The following DCLK1 variants were observed in gnomAD, a reference collection of about 807,000 sequenced individuals.
DCLK1 encodes the protein doublecortin like kinase 1, also known as serine/threonine-protein kinase DCLK1.
Under a neutral mutation model 86.2 loss-of-function variants are expected in DCLK1, and 16 were observed. That is an observed-to-expected ratio of 0.19 (90% CI 0.13 to 0.28). The LOEUF (loss-of-function observed/expected upper bound fraction) is 0.28. Ranked by LOEUF, DCLK1 falls within the 10% of genes least tolerant of loss-of-function variation. The pLI is 1.00. For synonymous variants in DCLK1, 369 were observed against 370.5 expected, an observed-to-expected ratio of 1.00 and a Z score of 0.05; for missense variants, 590 against 940.2, an observed-to-expected ratio of 0.63 and a Z score of 4.87.
At position 36,063,472 on chromosome 13, in the gene DCLK1, A is replaced by C. The variant is rs954040254; in HGVS notation, c.723+48397T>G. ...ATATATAAGAGAAAAAAATATGCACAGTTACTCTGCTTCTCAGTAACTTCA... is the reference window on the plus strand; with the variant it reads ...ATATATAAGAGAAAAAAATATGCACCGTTACTCTGCTTCTCAGTAACTTCA... On this transcript the variant is annotated intron_variant, in intron 3 of 16. Transcript: ENST00000360631. Among the ~76,000 whole-genome samples, 3 of 152,176 alleles carry C rather than the reference A, an allele frequency of 2.0e-5. 1 individual carries two copies. Among genetic ancestry groups the C allele is most frequent in the Non-Finnish European group, 4.4e-5 (3 of 68,022 alleles).
At chr13:36,120,685 A>C (rs148666134) in intron 2 of DCLK1, among the ~76,000 whole-genome samples, 2,374 of 152,086 alleles carry the variant, frequency 0.016, 21 homozygotes, top group Non-Finnish European at 0.026. Flanking sequence ...AAAAACCCTA[A>C]CCTGATAGGA....
chr13:35,914,321 GAA>G lies in DCLK1; in HGVS notation c.823+33035_823+33036del, dbSNP rs142212565. ...GCAACAGAGGGGAGACCTTATCTCA[GAA>G]AAAAAAAAAATATATATATATATAT... On this transcript the variant is annotated intron_variant, in intron 4 of 16. Transcript: ENST00000360631. Among the ~76,000 whole-genome samples the G allele has an allele frequency of 4.1e-3, 238 of 57,692 alleles. 2 individuals are homozygous for G. The highest frequency in any genetic ancestry group is 0.016 in the African/African-American group (201 of 12,944). The allele number at this position is 57,692 out of a possible 152,430, so 37.8% of individuals were successfully genotyped here. A position where few individuals can be genotyped will look rare whatever the true frequency, so the allele number is the denominator to read the frequency against.
At chr13:36,125,391 A>G (rs150252154) in intron 2 of DCLK1, among the ~76,000 whole-genome samples, 1 of 152,328 alleles carries the variant, frequency 6.6e-6, no homozygotes, top group African/African-American at 2.4e-5. Flanking sequence ...GTCATTTTCA[A>G]TTCAAGTACT....
chr13:36,053,625 C>T (rs942253686), intron 3 of DCLK1, among the ~76,000 whole-genome samples: 4 of 137,892 alleles, frequency 2.9e-5, no homozygotes, highest in South Asian at 2.3e-4. Context: ...TATAGTATCA[C>T]GATATATATA....
At chr13:35,810,576 G>A (rs2087121635) in intron 12 of DCLK1, among the ~76,000 whole-genome samples, 1 of 152,116 alleles carries the variant, frequency 6.6e-6, no homozygotes. Flanking sequence ...TTTACTCTGG[G>A]GTTAATAACT....
intron 5 of DCLK1, among the ~76,000 whole-genome samples, chr13:35,861,380 A>G (rs1196099413): frequency 2.0e-5 from 3 of 152,188 alleles, no homozygotes; most frequent in African/African-American, 7.2e-5. Context: ...GACCACAAGC[A>G]CCAAGGGTCA....
intron 6 of DCLK1, chr13:35,849,010 T>G (rs1870412610): frequency 2.0e-6 from 2 of 985,374 alleles, no homozygotes; most frequent in Non-Finnish European, 2.4e-6. Context: ...TATTATGAAC[T>G]GTTCTTTCAA....
In DCLK1 at chr13:36,056,579, C is replaced by T. The variant is rs1434503004; in HGVS notation, c.723+55290G>A. On this transcript the variant is annotated intron_variant, in intron 3 of 16. Coordinates refer to ENST00000360631, the MANE Select transcript of DCLK1 (RefSeq NM_001330071.2). Reference sequence around the variant, plus strand: ...CATGTATACATATGTAACTAACCTGCACAATGTGCACATGTACCCTAAAAC... The same window carrying T: ...CATGTATACATATGTAACTAACCTGTACAATGTGCACATGTACCCTAAAAC... 3.2e-5 allele frequency among the ~76,000 whole-genome samples: 4 copies of T among 123,138 alleles called. No homozygotes were observed. The East Asian group carries it at 9.1e-4, about 28-fold the overall frequency. 80.8% of individuals were successfully genotyped at this position (123,138 alleles called of 152,430 possible).
At chr13:35,863,827 C>A (rs1871578630) in intron 5 of DCLK1, among the ~76,000 whole-genome samples, 1 of 152,146 alleles carries the variant, frequency 6.6e-6, no homozygotes, top group Non-Finnish European at 1.5e-5. Context: ...CTCTTCACTT[C>A]CTCAGCTTTG....
intron 3 of DCLK1, among the ~76,000 whole-genome samples, chr13:35,977,292 T>C (rs1879397857): frequency 6.6e-6 from 1 of 152,144 alleles, no homozygotes; most frequent in Non-Finnish European, 1.5e-5. Context: ...GGGCAAGTTT[T>C]CCCCCTGAGC....
chr13:35,947,338 T>C lies in DCLK1; in HGVS notation c.823+20A>G, dbSNP rs746369658. ...AGCTGCCTCAAATTTCCCCTGGTTT[T>C]GAACTTTTTTTTTCCTTACCACTTT... On this transcript the variant is annotated intron_variant, in intron 4 of 16. Coordinates refer to ENST00000360631, the MANE Select transcript of DCLK1 (RefSeq NM_001330071.2). 3.1e-6 allele frequency: 5 copies of C among 1,609,578 alleles called. No individual in the cohort carries two copies. The highest frequency in any genetic ancestry group is 1.7e-4 in the Middle Eastern group (1 of 6,044).
chr13:35,959,096 C>T (rs910453424), intron 3 of DCLK1, among the ~76,000 whole-genome samples: 7 of 152,162 alleles, frequency 4.6e-5, no homozygotes, highest in Non-Finnish European at 8.8e-5. Context: ...CGAATACAAA[C>T]TTGATTCTTA....
chr13:35,855,778 T>A, intron 5 of DCLK1: 2 of 1,278,822 alleles, frequency 1.6e-6, no homozygotes, highest in Non-Finnish European at 2.0e-6. Context: ...TTAAGCCTCT[T>A]GCCAACAGCA....
chr13:35,824,487 TC>T (rs1333010691), intron 10 of DCLK1, among the ~76,000 whole-genome samples: 1 of 152,102 alleles, frequency 6.6e-6, no homozygotes, highest in Non-Finnish European at 1.5e-5. Flanking sequence ...GCTCCTTTCT[TC>T]TTTGTCCTCA....
chr13:36,003,021 C>A (rs1005362931), intron 3 of DCLK1, among the ~76,000 whole-genome samples: 1 of 152,198 alleles, frequency 6.6e-6, no homozygotes, highest in Non-Finnish European at 1.5e-5. Flanking sequence ...GGATCCCAGG[C>A]AGATCTAGCA....
intron 3 of DCLK1, among the ~76,000 whole-genome samples, chr13:35,957,935 A>ACCG (rs1288705820): frequency 6.6e-5 from 10 of 151,592 alleles, no homozygotes; most frequent in East Asian, 3.9e-4. Context: ...AACCATCACC[A>ACCG]CTACCACTAC....
intron 16 of DCLK1, among the ~76,000 whole-genome samples, chr13:35,777,032 T>C (rs1297328802): frequency 6.6e-6 from 1 of 152,346 alleles, no homozygotes; most frequent in East Asian, 1.9e-4. Context: ...TTACTTGTCC[T>C]GCCTAGAAAG....
intron 4 of DCLK1, among the ~76,000 whole-genome samples, chr13:35,880,212 G>T (rs1308110612): frequency 6.6e-6 from 1 of 152,212 alleles, no homozygotes; most frequent in Non-Finnish European, 1.5e-5. Flanking sequence ...AATTGGATTA[G>T]TACCCATTGC....
intron 16 of DCLK1, chr13:35,788,184 C>T (rs1340540750): frequency 6.2e-7 from 1 of 1,611,020 alleles, no homozygotes. Context: ...CATGGAAACA[C>T]TGACTGTTGA....
Sources: allele counts gnomAD v4.1 joint callset (sites outside exome capture counted in the v4.1 genomes callset), GRCh38; gene constraint gnomAD v4.1.1; transcripts MANE v1.5; gene names NCBI Gene and HGNC (gene_info 2026-07-23, HGNC 2026-07-21).